ARHGEF3: variants seen among roughly 807,000 people sequenced by gnomAD.
The protein encoded by ARHGEF3 is Rho guanine nucleotide exchange factor 3.
In ARHGEF3, 28 loss-of-function variants were observed where a neutral mutation model predicts 63.2. That is an observed-to-expected ratio of 0.44 (90% confidence interval 0.33 to 0.61). ARHGEF3 has a LOEUF of 0.61. Ranked by LOEUF, ARHGEF3 falls within the 20% of genes least tolerant of loss-of-function variation. The pLI, the probability that ARHGEF3 is intolerant of heterozygous loss-of-function variation, is 0.03. For synonymous variants in ARHGEF3, 266 were observed against 254.2 expected (o/e 1.05, Z -0.44); for missense variants, 533 against 659.3 (o/e 0.81, Z 2.10).
chr3:56,896,160 C>T (rs894536578), intron 3 of ARHGEF3, among the ~76,000 whole-genome samples: 2 of 152,108 alleles, frequency 1.3e-5, no homozygotes, highest in African/African-American at 4.8e-5. Flanking sequence ...TTATTTTTGG[C>T]AAGTTTATTT....
At chr3:56,970,517 T>C (rs562545742) in intron 2 of ARHGEF3, among the ~76,000 whole-genome samples, 12 of 152,148 alleles carry the variant, frequency 7.9e-5, no homozygotes, top group South Asian at 2.1e-4. Flanking sequence ...CTTGAGTCAC[T>C]CAACGATGAT....
intron 1 of ARHGEF3, chr3:56,774,988 G>A (rs1343275833): frequency 6.0e-6 from 9 of 1,492,758 alleles, no homozygotes; most frequent in Non-Finnish European, 8.1e-6. Context: ...CAAAGACAAA[G>A]AGAAGAGTTA....
intron 2 of ARHGEF3, among the ~76,000 whole-genome samples, chr3:56,759,711 TTGTA>T (rs1169950117): frequency 6.6e-6 from 1 of 152,072 alleles, no homozygotes; most frequent in African/African-American, 2.4e-5. Flanking sequence ...TGGCTAACTT[TTGTA>T]TTTTTGATTT....
At chr3:56,915,874 C>G (rs1002698359) in intron 3 of ARHGEF3, among the ~76,000 whole-genome samples, 1 of 152,190 alleles carries the variant, frequency 6.6e-6, no homozygotes, top group African/African-American at 2.4e-5. Context: ...TAAATAGCAA[C>G]AACAAAACAG....
Position 56,995,620 on chromosome 3 carries a change from CGAGAGAGAGAGAGAGAGA to C in ARHGEF3, c.63-36749_63-36732del, listed in dbSNP as rs66778716. On this transcript the variant is annotated intron_variant, in intron 2 of 12. Coordinates refer to the ARHGEF3 transcript ENST00000338458. ...AGGGGGCAAAAGAGAGTAAATTTTCCGAGAGAGAGAGAGAGAGAGAGAGAGAGAGAGAGAGAGAGAGAG... is the reference window on the plus strand; with the variant it reads ...AGGGGGCAAAAGAGAGTAAATTTTCCGAGAGAGAGAGAGAGAGAGAGAGAG... Among the ~76,000 whole-genome samples the C allele has an allele frequency of 4.1e-3, 469 of 113,222 alleles. 2 individuals are homozygous for C. Among genetic ancestry groups the C allele is most frequent in the South Asian group, 8.1e-3 (27 of 3,318 alleles). The allele number at this position is 113,222 out of a possible 152,430, so 74.3% of individuals were successfully genotyped here. A position where few individuals can be genotyped will look rare whatever the true frequency, so the allele number is the denominator to read the frequency against.
At chr3:56,945,082 A>G (rs1699410553) in intron 3 of ARHGEF3, among the ~76,000 whole-genome samples, 1 of 152,220 alleles carries the variant, frequency 6.6e-6, no homozygotes, top group Admixed American at 6.5e-5. Flanking sequence ...GAAAGGAAAG[A>G]GTCAATCAAT....
chr3:56,902,174 G>A (rs1297704034), intron 3 of ARHGEF3, among the ~76,000 whole-genome samples: 1 of 152,170 alleles, frequency 6.6e-6, no homozygotes, highest in Non-Finnish European at 1.5e-5. Flanking sequence ...TGCTGGCAAC[G>A]TGCTAAGGGG....
At position 56,755,010 on chromosome 3, in the gene ARHGEF3, G is replaced by A. The variant is rs1431208858; in HGVS notation, c.346C>T (p.Leu116Phe). ...TGACGTTTGATTTCCTTGGATGTAA[G>A]CATCTGATTGACGCACACATCGAAG... ...ETFDVCVNQM[L>F]TSKEIKRQEA... is the part of the protein sequence containing the mutation. The change falls in exon 3 of 10, where the codon CTT (leucine) becomes TTT (phenylalanine). Residue 116 changes from leucine to phenylalanine, a missense_variant. Coordinates refer to ENST00000296315, the MANE Select transcript of ARHGEF3 (RefSeq NM_019555.3). 4 of 1,614,206 alleles carry A rather than the reference G, an allele frequency of 2.5e-6. No individual in the cohort carries two copies. Among genetic ancestry groups the A allele is most frequent in the Non-Finnish European group, 3.4e-6 (4 of 1,180,046 alleles).
chr3:56,879,683 T>G (rs960786821), intron 4 of ARHGEF3, among the ~76,000 whole-genome samples: 5 of 151,102 alleles, frequency 3.3e-5, no homozygotes, highest in African/African-American at 1.2e-4. Context: ...CCACTACACA[T>G]AGAAACAGTC....
upstream of ARHGEF3, among the ~76,000 whole-genome samples, chr3:56,806,851 C>T (rs370740460): frequency 2.1e-4 from 30 of 146,108 alleles, no homozygotes; most frequent in African/African-American, 7.1e-4. Flanking sequence ...ATGCTTTGTC[C>T]TATTAGCGTT....
In ARHGEF3 at chr3:56,755,965, T is replaced by C. The variant is rs76152636; in HGVS notation, c.205-814A>G. 3.9e-4 allele frequency among the ~76,000 whole-genome samples: 59 copies of C among 152,326 alleles called. 1 individual carries two copies. The East Asian group carries it at 9.1e-3, about 23-fold the overall frequency. On this transcript the variant is annotated intron_variant, in intron 2 of 9. Transcript: ENST00000296315. ...CACCCTTAGACATTTTCATTACATA[T>C]AGAAAGACATTTCCCTTTCTATTAT...
intron 3 of ARHGEF3, among the ~76,000 whole-genome samples, chr3:56,935,356 T>G (rs572142599): frequency 3.3e-5 from 5 of 152,222 alleles, no homozygotes; most frequent in Non-Finnish European, 5.9e-5. Flanking sequence ...GCTCTACCAA[T>G]CAGCAGGATG....
intron 4 of ARHGEF3, among the ~76,000 whole-genome samples, chr3:56,839,811 C>A (rs76121262): frequency 6.6e-6 from 1 of 152,056 alleles, no homozygotes; most frequent in Non-Finnish European, 1.5e-5. Context: ...TGACAGCTCA[C>A]AACACAGGAT....
chr3:57,068,487 T>G (rs2171504), intron 1 of ARHGEF3, among the ~76,000 whole-genome samples: 4,293 of 152,316 alleles, frequency 0.028, 79 homozygotes, highest in South Asian at 0.052. Flanking sequence ...GGCAATCATT[T>G]AAATAATTTC....
At chr3:56,794,709 C>T (rs2037261089) in intron 1 of ARHGEF3, among the ~76,000 whole-genome samples, 1 of 152,058 alleles carries the variant, frequency 6.6e-6, no homozygotes, top group Non-Finnish European at 1.5e-5. Context: ...TGCCTATATC[C>T]TACACACATC....
chr3:56,937,700 T>C (rs1335262369), intron 3 of ARHGEF3, among the ~76,000 whole-genome samples: 1 of 152,194 alleles, frequency 6.6e-6, no homozygotes, highest in Non-Finnish European at 1.5e-5. Flanking sequence ...GAAGCTGTTG[T>C]TTGTTTTTAG....
chr3:57,070,448 ACT>A (rs1179279296), intron 1 of ARHGEF3, among the ~76,000 whole-genome samples: 1 of 152,200 alleles, frequency 6.6e-6, no homozygotes, highest in Non-Finnish European at 1.5e-5. Flanking sequence ...CAGAGTGCCT[ACT>A]CAGCAGACTC....
chr3:56,845,244 AAGT>A (rs1454649768), intron 4 of ARHGEF3, among the ~76,000 whole-genome samples: 11 of 152,248 alleles, frequency 7.2e-5, no homozygotes, highest in Non-Finnish European at 1.2e-4. Flanking sequence ...TCAGACCCTG[AAGT>A]AGTAGAAGGC....
At chr3:56,832,112 G>A (rs926541485) in intron 4 of ARHGEF3, among the ~76,000 whole-genome samples, 4 of 152,206 alleles carry the variant, frequency 2.6e-5, no homozygotes, top group African/African-American at 7.2e-5. Flanking sequence ...GGCAAAGCAG[G>A]GCTCTGAGCT....
Sources: gnomAD v4.1 joint callset for allele counts (sites outside exome capture counted in the v4.1 genomes callset) on GRCh38, gnomAD v4.1.1 for gene constraint, MANE v1.5 for transcripts, NCBI Gene and HGNC (gene_info 2026-07-23, HGNC 2026-07-21) for gene names.